The following NEK7 variants were observed in gnomAD, a reference collection of about 807,000 sequenced individuals.
NEK7 encodes the protein serine/threonine-protein kinase Nek7.
Under a neutral mutation model 44.6 loss-of-function variants are expected in NEK7, and 18 were observed. That is an observed-to-expected ratio of 0.40 (90% CI 0.28 to 0.60). NEK7 has a LOEUF of 0.60. NEK7 is among the 20% of genes least tolerant of loss of function. The pLI is 0.38. For missense variants in NEK7, 256 were observed against 366.5 expected (o/e 0.70, Z 2.46); for synonymous variants, 130 against 121.1 (o/e 1.07, Z -0.48).
At chr1:198,293,904 A>G (rs1050736190) in intron 8 of NEK7, among the ~76,000 whole-genome samples, 6 of 151,884 alleles carry the variant, frequency 4.0e-5, no homozygotes, top group Non-Finnish European at 7.4e-5. Context: ...AGAGAAGTCT[A>G]AAGAGGATAA....
At position 198,188,780 on chromosome 1, in the gene NEK7, G is replaced by A. The variant is rs191504886; in HGVS notation, c.-29+31504G>A. The stretch of plus-strand genomic sequence containing the variant: ...ATACTATATCTGAGTTCTGCTTTCA[G>A]AGTTAATAAAACACTTGTATAATTT... On this transcript the variant is annotated intron_variant, in intron 1 of 9. Coordinates refer to ENST00000367385, the MANE Select transcript of NEK7 (RefSeq NM_133494.3). Among the ~76,000 whole-genome samples, 180 of 152,204 alleles carry A rather than the reference G, an allele frequency of 1.2e-3. 3 individuals carry two copies. Among genetic ancestry groups the A allele is most frequent in the Non-Finnish European group, 1.8e-4 (12 of 68,008 alleles).
At position 198,199,071 on chromosome 1, in the gene NEK7, CT is replaced by C. The variant is rs1439638181; in HGVS notation, c.-28-33479del. On this transcript the variant is annotated intron_variant, in intron 1 of 9. Transcript: ENST00000367385. ...ATGTTTGAGTCTGCTTTCTGGTCCACTTTAGTAGCAGCTGTCATTTAGCTGA... is the reference window on the plus strand; with the variant it reads ...ATGTTTGAGTCTGCTTTCTGGTCCACTTAGTAGCAGCTGTCATTTAGCTGA... 3.9e-5 allele frequency among the ~76,000 whole-genome samples: 6 copies of C among 152,322 alleles called. No individual in the cohort carries two copies. In the South Asian group the frequency reaches 8.3e-4, roughly 21 times the overall value.
intron 1 of NEK7, among the ~76,000 whole-genome samples, chr1:198,180,990 G>A (rs770310537): frequency 7.2e-5 from 11 of 151,852 alleles, no homozygotes; most frequent in Admixed American, 2.0e-4. Flanking sequence ...GGTCAAAATA[G>A]GACAAGTTAT....
intron 1 of NEK7, chr1:198,220,820 A>T (rs1248156235): frequency 6.6e-6 from 1 of 152,028 alleles, no homozygotes; most frequent in Non-Finnish European, 1.5e-5. Context: ...TTTCCTTTGG[A>T]TGGGAGTAGT....
intron 5 of NEK7, among the ~76,000 whole-genome samples, chr1:198,267,172 C>T (rs901503641): frequency 2.0e-5 from 3 of 152,096 alleles, no homozygotes; most frequent in Admixed American, 6.6e-5. Context: ...AGATTTATAA[C>T]CATTGTGCAC....
chr1:198,304,571 T>C (rs546441908), intron 9 of NEK7, among the ~76,000 whole-genome samples: 2 of 152,052 alleles, frequency 1.3e-5, no homozygotes, highest in Non-Finnish European at 2.9e-5. Flanking sequence ...TATTATTCTG[T>C]TGAGAATTGT....
intron 2 of NEK7, among the ~76,000 whole-genome samples, chr1:198,246,096 T>C (rs940144461): frequency 6.6e-6 from 1 of 152,204 alleles, no homozygotes; most frequent in African/African-American, 2.4e-5. Flanking sequence ...TACAGTGGAA[T>C]GTAACTCAGC....
At chr1:198,263,152 C>T (rs887261076) in intron 4 of NEK7, among the ~76,000 whole-genome samples, 2 of 151,884 alleles carry the variant, frequency 1.3e-5, no homozygotes, top group East Asian at 1.9e-4. Flanking sequence ...TATTTCTGCA[C>T]TGCTTCTTTT....
chr1:198,304,348 G>T (rs1189676782), intron 9 of NEK7, among the ~76,000 whole-genome samples: 2 of 152,178 alleles, frequency 1.3e-5, no homozygotes, highest in Middle Eastern at 3.4e-3. Context: ...GTGACACTTT[G>T]GTGTACAAGT....
chr1:198,181,915 T>C (rs985234450), intron 1 of NEK7, among the ~76,000 whole-genome samples: 8 of 152,038 alleles, frequency 5.3e-5, no homozygotes, highest in Non-Finnish European at 1.0e-4. Flanking sequence ...TCATTAAACT[T>C]TGTCAGTTAA....
chr1:198,160,762 T>C (rs1184042794), intron 1 of NEK7, among the ~76,000 whole-genome samples: 2 of 152,228 alleles, frequency 1.3e-5, no homozygotes, highest in African/African-American at 4.8e-5. Flanking sequence ...TATGCATTTG[T>C]ATAATATAAT....
chr1:198,224,239 T>C (rs1666148614), intron 1 of NEK7, among the ~76,000 whole-genome samples: 1 of 152,164 alleles, frequency 6.6e-6, no homozygotes, highest in Non-Finnish European at 1.5e-5. Flanking sequence ...AGTGATATCA[T>C]AGGTATTATA....
intron 1 of NEK7, among the ~76,000 whole-genome samples, chr1:198,214,288 TA>T (rs1369940477): frequency 6.6e-6 from 1 of 152,122 alleles, no homozygotes; most frequent in African/African-American, 2.4e-5. Flanking sequence ...ATAACACCCC[TA>T]AAAGATCACA....
chr1:198,287,558 T>C (rs1486065252), intron 7 of NEK7, among the ~76,000 whole-genome samples: 4 of 152,236 alleles, frequency 2.6e-5, no homozygotes, highest in South Asian at 2.1e-4. Flanking sequence ...AGGTACTTTA[T>C]TGCATTGTAA....
intron 7 of NEK7, among the ~76,000 whole-genome samples, chr1:198,284,996 G>T (rs376203341): frequency 2.0e-5 from 3 of 152,060 alleles, no homozygotes; most frequent in African/African-American, 7.2e-5. Context: ...AGTTACAGAT[G>T]AGAAAACTGA....
chr1:198,282,414 G>A (rs1006397888), intron 7 of NEK7, among the ~76,000 whole-genome samples: 8 of 152,032 alleles, frequency 5.3e-5, no homozygotes, highest in African/African-American at 1.9e-4. Flanking sequence ...AGTTCATGAT[G>A]TGCCAGCCAT....
At chr1:198,219,225 A>G (rs1286476052) in intron 1 of NEK7, among the ~76,000 whole-genome samples, 1 of 150,848 alleles carries the variant, frequency 6.6e-6, no homozygotes, top group African/African-American at 2.4e-5. Context: ...TGTTTTATAT[A>G]TATCTATTAA....
chr1:198,176,773 C>G (rs1269847213), intron 1 of NEK7, among the ~76,000 whole-genome samples: 1 of 151,982 alleles, frequency 6.6e-6, no homozygotes, highest in Non-Finnish European at 1.5e-5. Flanking sequence ...GTAAAAGTTT[C>G]TGGTATGACC....
chr1:198,273,373 T>C (rs543409634), intron 5 of NEK7, among the ~76,000 whole-genome samples: 2 of 151,868 alleles, frequency 1.3e-5, no homozygotes, highest in Non-Finnish European at 3.0e-5. Flanking sequence ...CAAATATTTG[T>C]GAAGTTTAGT....
Sources: gnomAD v4.1 joint callset for allele counts (sites outside exome capture counted in the v4.1 genomes callset) on GRCh38, gnomAD v4.1.1 for gene constraint, MANE v1.5 for transcripts, NCBI Gene and HGNC (gene_info 2026-07-23, HGNC 2026-07-21) for gene names.